Variants in PGM1 observed in about 807,000 individuals in gnomAD.
The protein encoded by PGM1 is phosphoglucomutase-1.
In PGM1, 52 loss-of-function variants were observed where a neutral mutation model predicts 55.6. The observed-to-expected ratio is 0.94, with a 90% CI of 0.75 to 1.18. The LOEUF is 1.18. PGM1 is among the 50% of genes most tolerant of loss of function. The probability of loss-of-function intolerance (pLI) is 0.00; values close to 1 mark genes in which losing one functional copy is unlikely to be tolerated. For missense variants in PGM1, 724 were observed against 729.3 expected (o/e 0.99, Z 0.08); for synonymous variants, 287 against 271.7 (o/e 1.06, Z -0.55).
Position 63,636,599 on chromosome 1 carries a change from C to T in PGM1, c.1028+211C>T, listed in dbSNP as rs114455964. On this transcript the variant is annotated intron_variant, in intron 6 of 10. Coordinates refer to ENST00000371084, the MANE Select transcript of PGM1 (RefSeq NM_002633.3). ...CCCTTGGCACCCTGGGCCTCCTCCT[C>T]CTGGCACTTACCACACTGTGTTCTA... Among the ~76,000 whole-genome samples the T allele has an allele frequency of 3.6e-3, 554 of 152,300 alleles. 4 individuals carry two copies. The highest frequency in any genetic ancestry group is 0.013 in the African/African-American group (534 of 41,562).
At position 63,654,460 on chromosome 1, in the gene PGM1, C is replaced by T. The variant is rs1649907371; in HGVS notation, c.1593C>T (p.Asp531=). 4 of 1,613,694 alleles carry T rather than the reference C, an allele frequency of 2.5e-6. No homozygotes were observed. Among genetic ancestry groups the T allele is most frequent in the Non-Finnish European group, 3.4e-6 (4 of 1,179,798 alleles). ...YEKDVAKINQ[D]PQVMLAPLIS... is the part of the protein sequence containing the mutation. ...AGGACGTTGCCAAGATTAACCAGGA[C>T]CCCCAGGTAACGCCCAGCCCTGTGC... Residue 531 remains aspartate (D), a synonymous_variant, in exon 10 of 11, where the codon GAC becomes GAT. Transcript: ENST00000371084.
chr1:63,632,473 A>G (rs1178039742), intron 4 of PGM1, among the ~76,000 whole-genome samples: 1 of 152,164 alleles, frequency 6.6e-6, no homozygotes, highest in Non-Finnish European at 1.5e-5. Flanking sequence ...AACCACAGAA[A>G]GTCTTCTGCT....
chr1:63,599,498 TAA>T (rs10608683), intron 1 of PGM1, among the ~76,000 whole-genome samples: 59,435 of 147,576 alleles, frequency 0.4, 12,109 homozygotes, highest in East Asian at 0.58. Flanking sequence ...ACCCCCACTT[TAA>T]AAAAAAAAAA....
intron 1 of PGM1, among the ~76,000 whole-genome samples, chr1:63,597,946 A>T (rs1238443230): frequency 6.6e-6 from 1 of 152,106 alleles, no homozygotes; most frequent in Non-Finnish European, 1.5e-5. Context: ...CATTTGTGCA[A>T]ACTGTGGAGC....
chr1:63,654,565 A>G, intron 10 of PGM1, 99 bp downstream of exon 10: 4 of 1,169,514 alleles, frequency 3.4e-6, no homozygotes, highest in Non-Finnish European at 5.1e-6. Context: ...CAAATGACTC[A>G]ACAAGGTACC....
Position 63,607,640 on chromosome 1 carries a change from A to G in PGM1, c.246+13906A>G, listed in dbSNP as rs375725195. ...GACATTTCTCCAGAATAGCTTCTTC[A>G]TTTTCGTGAGGGTAAGCAATCAGAT... On this transcript the variant is annotated intron_variant, in intron 1 of 10. Transcript: ENST00000371084. Among the ~76,000 whole-genome samples, 15 of 152,274 alleles carry G rather than the reference A, an allele frequency of 9.9e-5. No individual in the cohort carries two copies. In the East Asian group the frequency reaches 2.3e-3, roughly 23 times the overall value.
intron 4 of PGM1, among the ~76,000 whole-genome samples, chr1:63,633,866 CTG>C (rs58094821): frequency 0.076 from 5,467 of 71,856 alleles, 178 homozygotes; most frequent in Non-Finnish European, 0.1. Flanking sequence ...GTCTGTGTCT[CTG>C]TGTGTGTGTG....
intron 7 of PGM1, among the ~76,000 whole-genome samples, chr1:63,643,801 G>A (rs947197197): frequency 2.0e-5 from 3 of 152,234 alleles, no homozygotes; most frequent in East Asian, 1.9e-4. Context: ...CAGAGGGCAT[G>A]GGGAGGGCAT....
chr1:63,595,174 C>G (rs1042662770), intron 1 of PGM1, among the ~76,000 whole-genome samples: 1 of 152,086 alleles, frequency 6.6e-6, no homozygotes, highest in Non-Finnish European at 1.5e-5. Context: ...ATTTTGTTGA[C>G]ATTGAGTACT....
chr1:63,611,025 T>A (rs1648550471), intron 1 of PGM1, among the ~76,000 whole-genome samples: 1 of 152,198 alleles, frequency 6.6e-6, no homozygotes, highest in South Asian at 2.1e-4. Context: ...TAAGATTTGA[T>A]GGGGTGCTTT....
At chr1:63,609,775 T>G (rs1166301064) in intron 1 of PGM1, among the ~76,000 whole-genome samples, 1 of 152,188 alleles carries the variant, frequency 6.6e-6, no homozygotes, top group Non-Finnish European at 1.5e-5. Context: ...ACACGAGATC[T>G]TCCAACATTT....
intron 8 of PGM1, among the ~76,000 whole-genome samples, chr1:63,649,769 C>T (rs1222474837): frequency 1.3e-5 from 2 of 152,128 alleles, no homozygotes; most frequent in African/African-American, 4.8e-5. Context: ...TGACACCACA[C>T]AGTAGCCCTG....
chr1:63,628,244 C>T (rs927357700), intron 1 of PGM1, among the ~76,000 whole-genome samples: 7 of 152,166 alleles, frequency 4.6e-5, no homozygotes, highest in African/African-American at 1.7e-4. Flanking sequence ...ACAGCATCCA[C>T]CCTGGTGGTT....
At chr1:63,633,947 T>TTTTTA (rs1649290427) in intron 4 of PGM1, among the ~76,000 whole-genome samples, 3 of 119,762 alleles carry the variant, frequency 2.5e-5, no homozygotes, top group Admixed American at 8.5e-5. Context: ...TTTTTTTTTT[T>TTTTTA]TTTTTTTTTT....
At position 63,611,076 on chromosome 1, in the gene PGM1, A is replaced by G. The variant is rs187023221; in HGVS notation, c.246+17342A>G. ...TTACTGAATGTTTTCTTATTGCTTA[A>G]TACAGTGCTGTGTATTTGGGGCATG... On this transcript the variant is annotated intron_variant, in intron 1 of 10. Coordinates refer to ENST00000371084, the MANE Select transcript of PGM1 (RefSeq NM_002633.3). 2.7e-4 allele frequency among the ~76,000 whole-genome samples: 41 copies of G among 152,264 alleles called. No individual in the cohort carries two copies. In the East Asian group the frequency reaches 3.3e-3, roughly 12 times the overall value.
chr1:63,634,755 A>G (rs1327123925), intron 4 of PGM1, 74 bp from the exon 5 acceptor site: 1 of 1,262,490 alleles, frequency 7.9e-7, no homozygotes, highest in Non-Finnish European at 1.2e-6. Flanking sequence ...CATCCACCTC[A>G]CCCCTGAATC....
intron 1 of PGM1, among the ~76,000 whole-genome samples, chr1:63,603,519 A>C (rs1557702794): frequency 1.3e-5 from 2 of 152,214 alleles, no homozygotes; most frequent in South Asian, 4.1e-4. Flanking sequence ...TATTCCTTAA[A>C]TGTTCCACAT....
At chr1:63,648,042 A>G (rs1249342669) in intron 7 of PGM1, among the ~76,000 whole-genome samples, 1 of 152,208 alleles carries the variant, frequency 6.6e-6, no homozygotes, top group Non-Finnish European at 1.5e-5. Context: ...GTCCTCAGTC[A>G]GGCAGTGTGA....
At chr1:63,599,683 G>A (rs1390026901) in intron 1 of PGM1, among the ~76,000 whole-genome samples, 1 of 152,080 alleles carries the variant, frequency 6.6e-6, no homozygotes, top group Non-Finnish European at 1.5e-5. Flanking sequence ...TCGGCTACTT[G>A]AGACACTGAG....
Sources: gnomAD v4.1 joint callset for allele counts (sites outside exome capture counted in the v4.1 genomes callset) on GRCh38, gnomAD v4.1.1 for gene constraint, MANE v1.5 for transcripts, NCBI Gene and HGNC (gene_info 2026-07-23, HGNC 2026-07-21) for gene names.